The following SPATA21 variants were observed in gnomAD, a reference collection of about 807,000 sequenced individuals.
The protein encoded by SPATA21 is spermatogenesis-associated protein 21.
SPATA21 carries 47 observed loss-of-function variants against 54.8 expected under a neutral mutation model. The ratio of observed to expected loss-of-function variants is 0.86; its 90% CI spans 0.68 to 1.09. The LOEUF (loss-of-function observed/expected upper bound fraction) is 1.09, where lower values mean the gene tolerates loss of function less well. Among genes scored for constraint, SPATA21 ranks in the 50% least tolerant of loss-of-function variants. The pLI, the probability that SPATA21 is intolerant of heterozygous loss-of-function variation, is 0.00. For synonymous variants in SPATA21, 245 were observed against 235.3 expected (o/e 1.04, Z -0.38); for missense variants, 599 against 596.4 (o/e 1.00, Z -0.05).
At position 16,421,940 on chromosome 1, in the gene SPATA21, G is replaced by A. The variant is rs755605651; in HGVS notation, c.66C>T (p.Ser22=). ...EEKTVNPFLP[S]TPGPKKAKGG... ...CTTTTGCTTTTTTAGGTCCAGGCGT[G>A]GATGGCAGGAAGGGGTTGACTGTCT... The change falls in exon 4 of 13, where the codon TCC becomes TCT. Residue 22 remains serine, a synonymous_variant. Coordinates refer to ENST00000335496, the MANE Select transcript of SPATA21 (RefSeq NM_198546.1). The surrounding 1 kb of genome is among the most constrained non-coding windows in gnomAD (Gnocchi z 5.2). The A allele has an allele frequency of 3.1e-6, 5 of 1,614,240 alleles. No homozygotes were observed. The Admixed American group carries it at 5.0e-5, about 16-fold the overall frequency.
At chr1:16,422,189 G>C (rs544834160) in intron 3 of SPATA21, 3 of 1,434,454 alleles carry the variant, frequency 2.1e-6, no homozygotes, top group Non-Finnish European at 1.8e-6. Flanking sequence ...ATTGATATCC[G>C]GAGCCCTGTC....
chr1:16,401,232 A>G (rs191967806), intron 10 of SPATA21, among the ~76,000 whole-genome samples: 1 of 152,348 alleles, frequency 6.6e-6, no homozygotes, highest in East Asian at 1.9e-4. Flanking sequence ...AACAAGGCCC[A>G]TCAAGCACGC....
chr1:16,433,141 C>T (rs1190090191), intron 1 of SPATA21, among the ~76,000 whole-genome samples: 7 of 152,244 alleles, frequency 4.6e-5, no homozygotes, highest in African/African-American at 1.2e-4. Flanking sequence ...CTAGGGACAA[C>T]GTCAGGCCTT....
rs763374634 is a variant in SPATA21, at chr1:16,398,698, G to C, written c.*67C>G. 7 of 1,570,700 alleles carry C rather than the reference G, an allele frequency of 4.5e-6. No homozygotes were observed. The highest frequency in any genetic ancestry group is 6.1e-6 in the Non-Finnish European group (7 of 1,141,636). On this transcript the variant is annotated 3_prime_UTR_variant, in exon 13 of 13. Coordinates refer to ENST00000335496, the MANE Select transcript of SPATA21 (RefSeq NM_198546.1). ...GCCACAAAAGCAAATCCCAGCAGCA[G>C]CTCCTGCCTGGTGGCCCATCTGTCT...
At chr1:16,424,252 G>A (rs1311848981) in intron 3 of SPATA21, among the ~76,000 whole-genome samples, 6 of 6,696 alleles carry the variant, frequency 9.0e-4, no homozygotes, top group Admixed American at 3.1e-3. Context: ...GGCAGAGCTT[G>A]CAGTGAGCCG....
chr1:16,403,831 C>G lies in SPATA21; in HGVS notation c.897G>C (p.Leu299=), dbSNP rs1357803920. ...GGGGGTTGTGGGGAGCCATGTCCGACAGGGCGTTCTGTTCTGGAGACATGG... is the reference window on the plus strand; with the variant it reads ...GGGGGTTGTGGGGAGCCATGTCCGAGAGGGCGTTCTGTTCTGGAGACATGG... ...RFFCSVEQNA[L]SDMAPHNPHT... Residue 299 remains leucine, a synonymous_variant, in exon 10 of 13, where the codon CTG becomes CTC. Coordinates refer to ENST00000335496, the MANE Select transcript of SPATA21 (RefSeq NM_198546.1). 6.2e-7 allele frequency: 1 copy of G among 1,609,986 alleles called. No individual in the cohort carries two copies. The highest frequency in any genetic ancestry group is 8.5e-7 in the Non-Finnish European group (1 of 1,177,988).
At chr1:16,432,139 T>G (rs2086476640) in intron 2 of SPATA21, among the ~76,000 whole-genome samples, 1 of 150,710 alleles carries the variant, frequency 6.6e-6, no homozygotes, top group Admixed American at 6.6e-5. Context: ...TTGTTTGTTT[T>G]GAGACAGAGT....
At chr1:16,405,733 T>C (rs2085619610) in intron 7 of SPATA21, among the ~76,000 whole-genome samples, 1 of 152,166 alleles carries the variant, frequency 6.6e-6, no homozygotes, top group Non-Finnish European at 1.5e-5. Flanking sequence ...ACGGCCTTTG[T>C]ATCGGTGCTG....
At chr1:16,403,081 C>G (rs540283750) in intron 10 of SPATA21, among the ~76,000 whole-genome samples, 45 of 152,250 alleles carry the variant, frequency 3.0e-4, no homozygotes, top group African/African-American at 1.1e-3. Flanking sequence ...TGCTTCTAGC[C>G]CTGGAATGTT....
Position 16,421,798 on chromosome 1 carries a change from C to T in SPATA21, c.95+113G>A, listed in dbSNP as rs1170841521. On this transcript the variant is annotated intron_variant, in intron 4 of 12. Transcript: ENST00000335496. The surrounding 1 kb of genome is among the most constrained non-coding windows in gnomAD (Gnocchi z 5.2). ...TTGAGACCCAGCGGAGCATGACTTGCCCAAGGTCCTCTACCAGGTCAGGAG... is the reference window on the plus strand; with the variant it reads ...TTGAGACCCAGCGGAGCATGACTTGTCCAAGGTCCTCTACCAGGTCAGGAG... 7 of 1,513,910 alleles carry T rather than the reference C, an allele frequency of 4.6e-6. No homozygotes were observed. In the Admixed American group the frequency reaches 1.0e-4, roughly 22 times the overall value. 93.8% of individuals were successfully genotyped at this position (1,513,910 alleles called of 1,614,324 possible). A position where few individuals can be genotyped will look rare whatever the true frequency, so the allele number is the denominator to read the frequency against.
upstream of SPATA21, chr1:16,437,488 C>T (rs1247973811): frequency 4.6e-5 from 7 of 152,292 alleles, no homozygotes; most frequent in South Asian, 4.1e-4. Context: ...ATTATTGGGC[C>T]AGGGTACTCT....
At chr1:16,423,273 C>T (rs563535255) in intron 3 of SPATA21, among the ~76,000 whole-genome samples, 2 of 150,326 alleles carry the variant, frequency 1.3e-5, no homozygotes, top group African/African-American at 4.9e-5. Flanking sequence ...ATTAGCTGGG[C>T]GTGGTGGTAC....
intron 3 of SPATA21, among the ~76,000 whole-genome samples, chr1:16,427,644 C>A (rs1375416872): frequency 6.6e-6 from 1 of 151,984 alleles, no homozygotes. Flanking sequence ...GCTCCTCAAA[C>A]AAGACACATA....
At position 16,409,888 on chromosome 1, in the gene SPATA21, C is replaced by T. The variant is rs1164387402; in HGVS notation, c.300G>A (p.Arg100=). The T allele has an allele frequency of 6.8e-6, 11 of 1,613,110 alleles. No homozygotes were observed. Among genetic ancestry groups the T allele is most frequent in the Non-Finnish European group, 7.6e-6 (9 of 1,179,596 alleles). ...TCTGGGACCGGGCCTTCGAGGCTCT[C>T]CGATGGGAGGCCTCCATTTTCTCCA... ...LEVEKMEASH[R]RASKARSQTA... is the part of the protein sequence containing the mutation. Residue 100 remains arginine (R), a synonymous_variant, in exon 6 of 13, where the codon CGG becomes CGA. Transcript: ENST00000335496. This position sits in a 1 kb window ranked among gnomAD's most constrained non-coding sequence, Gnocchi z 4.1.
chr1:16,420,068 TGAG>T (rs1001932701), intron 5 of SPATA21, among the ~76,000 whole-genome samples: 2 of 151,444 alleles, frequency 1.3e-5, no homozygotes, highest in Non-Finnish European at 2.9e-5. Context: ...GTGGAGAAGA[TGAG>T]GAGGAACTAG....
intron 11 of SPATA21, chr1:16,400,412 CAAT>C: frequency 1.9e-6 from 2 of 1,078,538 alleles, no homozygotes; most frequent in Non-Finnish European, 2.3e-6. Context: ...AGTGGGCACT[CAAT>C]AAACAGTGAG....
intron 5 of SPATA21, among the ~76,000 whole-genome samples, chr1:16,415,229 T>C (rs926249684): frequency 7.9e-5 from 12 of 152,128 alleles, no homozygotes; most frequent in Non-Finnish European, 1.5e-4. Context: ...ATCAGCTACT[T>C]GAAGGGGCTA....
At chr1:16,402,300 T>C (rs963500414) in intron 10 of SPATA21, among the ~76,000 whole-genome samples, 6 of 138,542 alleles carry the variant, frequency 4.3e-5, no homozygotes, top group Non-Finnish European at 6.2e-5. Flanking sequence ...TCGCTCTTGT[T>C]GCCCAGGCTG....
intron 5 of SPATA21, among the ~76,000 whole-genome samples, chr1:16,412,349 C>G (rs555357981): frequency 1.2e-4 from 18 of 152,304 alleles, no homozygotes; most frequent in African/African-American, 4.3e-4. Context: ...CTGCTGCTAC[C>G]CAGGCTCGTG....
Sources: gnomAD v4.1 joint callset for allele counts (sites outside exome capture counted in the v4.1 genomes callset) on GRCh38, gnomAD v4.1.1 for gene constraint, Gnocchi (gnomAD v3.1) non-coding constraint, MANE v1.5 for transcripts, NCBI Gene and HGNC (gene_info 2026-07-23, HGNC 2026-07-21) for gene names.